Variants in SRSF11 observed in about 807,000 individuals in gnomAD.
SRSF11 encodes serine/arginine-rich splicing factor 11.
SRSF11 carries 9 observed loss-of-function variants against 56.0 expected under a neutral mutation model. The ratio of observed to expected loss-of-function variants is 0.16; its 90% CI spans 0.10 to 0.28. The LOEUF (loss-of-function observed/expected upper bound fraction) is 0.28, where lower values mean the gene tolerates loss of function less well. Ranked by LOEUF, SRSF11 falls within the 10% of genes least tolerant of loss-of-function variation. The pLI, the probability that SRSF11 is intolerant of heterozygous loss-of-function variation, is 1.00. For synonymous variants in SRSF11, 222 were observed against 215.3 expected (o/e 1.03, Z -0.27); for missense variants, 421 against 600.7 (o/e 0.70, Z 3.13).
intron 7 of SRSF11, among the ~76,000 whole-genome samples, chr1:70,242,582 A>G (rs1675729077): frequency 6.6e-6 from 1 of 151,716 alleles, no homozygotes; most frequent in Admixed American, 6.6e-5. Flanking sequence ...GGGGTGACAG[A>G]TACAAGCCAC....
chr1:70,218,219 T>C (rs747591880), upstream of SRSF11, among the ~76,000 whole-genome samples: 4 of 152,138 alleles, frequency 2.6e-5, no homozygotes, highest in East Asian at 1.9e-4. Context: ...CCGCCCGCCT[T>C]GGCCTCCCAA....
chr1:70,249,393 GT>G (rs1336210142), intron 9 of SRSF11: 1 of 152,236 alleles, frequency 6.6e-6, no homozygotes, highest in Non-Finnish European at 1.5e-5. Flanking sequence ...TGTTAAATCA[GT>G]TTTTTCTCAA....
intron 7 of SRSF11, among the ~76,000 whole-genome samples, chr1:70,243,609 C>T (rs1676051487): frequency 6.6e-6 from 1 of 152,092 alleles, no homozygotes; most frequent in Non-Finnish European, 1.5e-5. Flanking sequence ...TTTAAGATGT[C>T]CATACTCTTT....
intron 2 of SRSF11, chr1:70,231,768 A>C: frequency 7.8e-7 from 1 of 1,275,926 alleles, no homozygotes; most frequent in East Asian, 5.1e-5. Flanking sequence ...GGTAGGTGTA[A>C]AAGAAAATCA....
At chr1:70,223,168 A>G (rs1420893805) in intron 1 of SRSF11, among the ~76,000 whole-genome samples, 1 of 152,196 alleles carries the variant, frequency 6.6e-6, no homozygotes, top group Non-Finnish European at 1.5e-5. Flanking sequence ...AAATTAATGA[A>G]CAGTAAAATA....
At chr1:70,235,453 A>G (rs750418468) in intron 4 of SRSF11, 48 bp from the exon 5 acceptor site, 11 of 1,476,616 alleles carry the variant, frequency 7.4e-6, no homozygotes, top group South Asian at 2.4e-5. Flanking sequence ...AATATCGGTC[A>G]TTTATTGTTT....
At chr1:70,218,804 T>C (rs938902090), upstream of SRSF11, 5 of 152,176 alleles carry the variant, frequency 3.3e-5, no homozygotes, top group African/African-American at 4.8e-5. Flanking sequence ...TATTCACAGA[T>C]ACTTATTTAT....
At chr1:70,216,486 AC>A (rs1350826781), upstream of SRSF11, among the ~76,000 whole-genome samples, 1 of 151,138 alleles carries the variant, frequency 6.6e-6, no homozygotes, top group Non-Finnish European at 1.5e-5. Flanking sequence ...AGACTAGAGT[AC>A]AGTGTCACGA....
chr1:70,239,028 T>G (rs1674725324), intron 6 of SRSF11, among the ~76,000 whole-genome samples: 1 of 152,164 alleles, frequency 6.6e-6, no homozygotes, highest in Non-Finnish European at 1.5e-5. Flanking sequence ...AGCTGAAAAC[T>G]AAGGTGAAAA....
intron 7 of SRSF11, among the ~76,000 whole-genome samples, chr1:70,241,794 G>C (rs1157323843): frequency 1.3e-5 from 2 of 152,168 alleles, no homozygotes; most frequent in African/African-American, 2.4e-5. Context: ...TGCTCTCATA[G>C]TTTAGTTTAA....
chr1:70,219,673 C>G (rs138555180), upstream of SRSF11, among the ~76,000 whole-genome samples: 2 of 152,306 alleles, frequency 1.3e-5, no homozygotes, highest in East Asian at 3.9e-4. Context: ...TGAGGGACAG[C>G]TATATGCTTT....
intron 1 of SRSF11, among the ~76,000 whole-genome samples, chr1:70,214,437 C>A (rs569605482): frequency 6.6e-6 from 1 of 152,022 alleles, no homozygotes; most frequent in Non-Finnish European, 1.5e-5. Context: ...GATGCAAGCA[C>A]CAGAATCTTA....
At position 70,234,803 on chromosome 1, in the gene SRSF11, C is replaced by A. The variant is rs367800445; in HGVS notation, c.540+15C>A. On this transcript the variant is annotated intron_variant, in intron 4 of 11. Transcript: ENST00000370949. ...TGAACTCTCAGGTATACCTTAGTAA[C>A]TTCAAATTTTTCACCCATTTTTACA... 6.4e-7 allele frequency: 1 copy of A among 1,568,230 alleles called. No individual in the cohort carries two copies. Among genetic ancestry groups the A allele is most frequent in the African/African-American group, 1.4e-5 (1 of 72,842 alleles).
chr1:70,221,929 C>T, intron 1 of SRSF11, 90 bp downstream of exon 1: 1 of 1,538,654 alleles, frequency 6.5e-7, no homozygotes, highest in Non-Finnish European at 8.7e-7. Flanking sequence ...GTCGCTGCTT[C>T]CCCGGGCCAG....
intron 2 of SRSF11, chr1:70,231,837 G>C (rs1004548049): frequency 7.0e-7 from 1 of 1,438,216 alleles, no homozygotes; most frequent in Non-Finnish European, 9.2e-7. Context: ...TGTGTATCTT[G>C]ATTTTTCTGT....
At chr1:70,227,501 C>T (rs1297319540) in intron 1 of SRSF11, among the ~76,000 whole-genome samples, 1 of 152,162 alleles carries the variant, frequency 6.6e-6, no homozygotes, top group African/African-American at 2.4e-5. Flanking sequence ...CCCCATGACT[C>T]TAATACACAT....
At chr1:70,236,792 ATTT>A (rs35602423) in intron 5 of SRSF11, among the ~76,000 whole-genome samples, 14 of 83,774 alleles carry the variant, frequency 1.7e-4, no homozygotes, top group East Asian at 6.2e-4. Context: ...TATGTCATAA[ATTT>A]TTTTTTTTTT....
intron 1 of SRSF11, among the ~76,000 whole-genome samples, chr1:70,224,800 C>T (rs1671412856): frequency 6.6e-6 from 1 of 152,132 alleles, no homozygotes; most frequent in African/African-American, 2.4e-5. Context: ...AAGTTGAACC[C>T]CACATATACT....
chr1:70,236,319 CTTCT>C (rs1003595546), intron 5 of SRSF11, among the ~76,000 whole-genome samples: 9 of 148,872 alleles, frequency 6.0e-5, no homozygotes, highest in Non-Finnish European at 8.9e-5. Flanking sequence ...TTTTTTCTTT[CTTCT>C]TTCTTTTTCT....
Sources: gnomAD v4.1 joint callset for allele counts (sites outside exome capture counted in the v4.1 genomes callset) on GRCh38, gnomAD v4.1.1 for gene constraint, MANE v1.5 for transcripts, NCBI Gene and HGNC (gene_info 2026-07-23, HGNC 2026-07-21) for gene names.